The following THADA variants were observed in gnomAD, a reference collection of about 807,000 sequenced individuals.
The protein encoded by THADA is THADA armadillo repeat containing.
A neutral mutation model predicts 219.8 loss-of-function variants in THADA; 213 were observed. That is an observed-to-expected ratio of 0.97 (90% confidence interval 0.87 to 1.09). The LOEUF (loss-of-function observed/expected upper bound fraction) is 1.09. THADA is among the 50% of genes least tolerant of loss of function. The pLI is 0.00. For synonymous variants in THADA, 1,018 were observed against 828.9 expected, an observed-to-expected ratio of 1.23 and a Z score of -3.92; for missense variants, 2,956 against 2,311.3, an observed-to-expected ratio of 1.28 and a Z score of -5.72.
intron 24 of THADA, among the ~76,000 whole-genome samples, chr2:43,502,565 A>AC (rs1689130258): frequency 6.7e-6 from 1 of 149,152 alleles, no homozygotes; most frequent in Non-Finnish European, 1.5e-5. Flanking sequence ...AGCCTAGGCC[A>AC]CAGAGTGAGA....
In THADA at chr2:43,527,916, A is replaced by G; in HGVS notation, c.3337T>C (p.Tyr1113His). 1 of 1,613,700 alleles carries G rather than the reference A, an allele frequency of 6.2e-7. No homozygotes were observed. Among genetic ancestry groups the G allele is most frequent in the Non-Finnish European group, 8.5e-7 (1 of 1,179,698 alleles). ...TCAGTGAGTTTCACAAAACCAGTAT[A>G]AGCCAATTCAAATGCTCCTCTGTGC... is the stretch of plus-strand genomic sequence containing the variant. Reference protein sequence around the residue: ...SRHRGAFELAYTGFVKLTEVL... With the variant: ...SRHRGAFELAHTGFVKLTEVL... The change falls in exon 22 of 38, where the codon TAT becomes CAT. Residue 1113 changes from tyrosine to histidine, a missense_variant. Coordinates refer to ENST00000405975, the MANE Select transcript of THADA (RefSeq NM_022065.5).
chr2:43,511,717 C>G (rs1690476721), intron 22 of THADA, among the ~76,000 whole-genome samples: 1 of 152,122 alleles, frequency 6.6e-6, no homozygotes, highest in Non-Finnish European at 1.5e-5. Context: ...CCTATTCATC[C>G]AAACTGATGA....
intron 25 of THADA, among the ~76,000 whole-genome samples, chr2:43,489,323 G>T (rs1330186918): frequency 6.6e-6 from 1 of 152,134 alleles, no homozygotes; most frequent in Non-Finnish European, 1.5e-5. Context: ...TGGGACTACA[G>T]GTGCATGTCA....
chr2:43,286,530 C>T (rs1408121722), intron 35 of THADA, among the ~76,000 whole-genome samples: 1 of 152,050 alleles, frequency 6.6e-6, no homozygotes, highest in African/African-American at 2.4e-5. Context: ...CACCTGAGGT[C>T]AAGAGTTCGA....
intron 27 of THADA, among the ~76,000 whole-genome samples, chr2:43,429,992 A>C (rs1679025866): frequency 6.6e-6 from 1 of 151,996 alleles, no homozygotes; most frequent in Admixed American, 6.6e-5. Context: ...AACATGACGA[A>C]ACCCCATCTC....
At chr2:43,510,914 C>T (rs967705435) in intron 22 of THADA, among the ~76,000 whole-genome samples, 3 of 150,826 alleles carry the variant, frequency 2.0e-5, no homozygotes, top group Non-Finnish European at 1.5e-5. Context: ...GAGACTGCAG[C>T]GAGCCAAGAT....
chr2:43,367,376 A>T (rs758829230), intron 29 of THADA, among the ~76,000 whole-genome samples: 1 of 152,196 alleles, frequency 6.6e-6, no homozygotes, highest in Non-Finnish European at 1.5e-5. Flanking sequence ...CCCTACACTC[A>T]AGTCAGTATT....
At chr2:43,312,263 A>C (rs1236619182) in intron 31 of THADA, among the ~76,000 whole-genome samples, 1 of 152,052 alleles carries the variant, frequency 6.6e-6, no homozygotes, top group Non-Finnish European at 1.5e-5. Context: ...TGTTGACTAG[A>C]ACGGTATTTC....
chr2:43,550,289 A>C (rs1388982595), intron 19 of THADA, among the ~76,000 whole-genome samples: 2 of 152,204 alleles, frequency 1.3e-5, no homozygotes, highest in African/African-American at 4.8e-5. Context: ...ATTTTGACTT[A>C]TATTTAGGTA....
intron 36 of THADA, among the ~76,000 whole-genome samples, chr2:43,257,333 C>G (rs1005264703): frequency 2.0e-5 from 3 of 152,250 alleles, no homozygotes; most frequent in African/African-American, 4.8e-5. Flanking sequence ...GCGCTTGTCT[C>G]TAACCCCAAA....
At chr2:43,414,398 A>T (rs940691920) in intron 28 of THADA, among the ~76,000 whole-genome samples, 2 of 152,192 alleles carry the variant, frequency 1.3e-5, no homozygotes, top group Non-Finnish European at 2.9e-5. Context: ...CTTCACAGAG[A>T]TACATGTCAT....
intron 36 of THADA, among the ~76,000 whole-genome samples, chr2:43,262,512 G>A (rs1342898612): frequency 1.1e-4 from 16 of 152,116 alleles, no homozygotes. Context: ...TCACTTGAGA[G>A]AGAAAAAAAC....
chr2:43,397,927 T>A, intron 29 of THADA, 44 bp downstream of exon 29: 5 of 1,602,508 alleles, frequency 3.1e-6, no homozygotes, highest in Non-Finnish European at 3.4e-6. Context: ...CCAAAGTTCA[T>A]CTTATGGTGT....
intron 26 of THADA, among the ~76,000 whole-genome samples, chr2:43,433,015 C>T (rs1353636173): frequency 2.6e-5 from 4 of 152,064 alleles, no homozygotes; most frequent in Non-Finnish European, 5.9e-5. Flanking sequence ...ATGATTCATG[C>T]TTTCTATGCC....
At chr2:43,291,844 G>T in intron 33 of THADA, 76 bp from the exon 34 acceptor site, 3 of 1,319,720 alleles carry the variant, frequency 2.3e-6, no homozygotes, top group Non-Finnish European at 3.1e-6. Context: ...TTTGCAGATA[G>T]TCTGTAATCC....
rs1407134171 is a variant in THADA at position 43,572,851 on chromosome 2, G to C, written c.1871C>G (p.Ala624Gly). 2.5e-6 allele frequency: 4 copies of C among 1,613,566 alleles called. No individual in the cohort carries two copies. The highest frequency in any genetic ancestry group is 1.7e-5 in the Admixed American group (1 of 59,940). Residue 624 changes from alanine (A) to glycine (G), a missense_variant, in exon 12 of 38, where the codon GCA (alanine) becomes GGA (glycine). Ala to Gly is a moderately conservative substitution (Grantham distance 60). Coordinates refer to ENST00000405975, the MANE Select transcript of THADA (RefSeq NM_022065.5). ...ATGAATTAAGCCTTGCTTTATTCTT[G>C]CATCAGACACGAGGTTCTCCCAGGT... is the stretch of plus-strand genomic sequence containing the variant. The part of the protein sequence containing the change: ...TDTWENLVSD[A>G]RIKQGLIHQH...
chr2:43,454,379 T>C (rs1000936558), intron 26 of THADA, among the ~76,000 whole-genome samples: 3 of 151,978 alleles, frequency 2.0e-5, no homozygotes, highest in African/African-American at 7.2e-5. Context: ...GGTGGGAGAA[T>C]TGCTTGAGTC....
chr2:43,333,675 G>A (rs1666055743), intron 30 of THADA, among the ~76,000 whole-genome samples: 1 of 151,980 alleles, frequency 6.6e-6, no homozygotes, highest in Non-Finnish European at 1.5e-5. Flanking sequence ...GTTTTGGCAC[G>A]GACCACAAAT....
intron 29 of THADA, among the ~76,000 whole-genome samples, chr2:43,362,849 A>C (rs557896757): frequency 6.6e-6 from 1 of 152,282 alleles, no homozygotes; most frequent in East Asian, 1.9e-4. Context: ...CTTATTTTTT[A>C]AGCTTTTTCC....
Sources: gnomAD v4.1 joint callset for allele counts (sites outside exome capture counted in the v4.1 genomes callset) on GRCh38, gnomAD v4.1.1 for gene constraint, MANE v1.5 for transcripts, NCBI Gene and HGNC (gene_info 2026-07-23, HGNC 2026-07-21) for gene names.